PEAK1: variants seen among roughly 807,000 people sequenced by gnomAD.
PEAK1 encodes the protein pseudopodium enriched atypical kinase 1.
In PEAK1, 54 loss-of-function variants were observed where a neutral mutation model predicts 124.7. The observed-to-expected ratio is 0.43, with a 90% CI of 0.35 to 0.54. The LOEUF is 0.54. Among genes scored for constraint, PEAK1 ranks in the 20% least tolerant of loss-of-function variants. The pLI is 0.01. For missense variants in PEAK1, 2,046 were observed against 2,134.5 expected, an observed-to-expected ratio of 0.96 and a Z score of 0.82; for synonymous variants, 719 against 760.0, an observed-to-expected ratio of 0.95 and a Z score of 0.89.
intron 1 of PEAK1, among the ~76,000 whole-genome samples, chr15:77,408,552 AC>A: frequency 6.6e-6 from 1 of 150,612 alleles, no homozygotes; most frequent in Non-Finnish European, 1.5e-5. Context: ...AAAAAAAAAA[AC>A]AGTCTAGGAA....
At chr15:77,200,362 G>T (rs1285454744) in intron 6 of PEAK1, among the ~76,000 whole-genome samples, 3 of 152,126 alleles carry the variant, frequency 2.0e-5, no homozygotes, top group Non-Finnish European at 2.9e-5. Flanking sequence ...ACAGTGGTCA[G>T]GTTTTTGAGG....
At chr15:77,350,455 A>G in intron 2 of PEAK1, 1 of 985,392 alleles carries the variant, frequency 1.0e-6, no homozygotes, top group Non-Finnish European at 1.2e-6. Flanking sequence ...GAATTAAGAT[A>G]GTGTATATAT....
At chr15:77,105,783 C>T (rs566268106), downstream of PEAK1, 1 of 152,482 alleles carries the variant, frequency 6.6e-6, no homozygotes, top group African/African-American at 2.4e-5. Flanking sequence ...TCAAGATTCT[C>T]TGTGGCTTAG....
intron 6 of PEAK1, among the ~76,000 whole-genome samples, chr15:77,243,744 C>T (rs1266212909): frequency 2.6e-5 from 4 of 152,000 alleles, no homozygotes; most frequent in African/African-American, 9.7e-5. Context: ...CTGAGGTGGG[C>T]AGATCACCTG....
intron 1 of PEAK1, chr15:77,401,575 C>T: frequency 1.0e-6 from 1 of 980,004 alleles, no homozygotes; most frequent in Non-Finnish European, 1.2e-6. Context: ...AAAATTGTAG[C>T]TTATAGATCA....
Position 77,255,223 on chromosome 15 carries a change from A to G in PEAK1, c.-274-2697T>C, listed in dbSNP as rs531411067. 33 of 348,936 alleles carry G rather than the reference A, an allele frequency of 9.5e-5. No homozygotes were observed. The East Asian group carries it at 4.7e-3, about 49-fold the overall frequency. The allele number at this position is 348,936 out of a possible 1,614,324, so 21.6% of individuals were successfully genotyped here. A position where few individuals can be genotyped will look rare whatever the true frequency, so the allele number is the denominator to read the frequency against. On this transcript the variant is annotated intron_variant, in intron 5 of 9. Coordinates refer to ENST00000682557, the MANE Select transcript of PEAK1 (RefSeq NM_001385026.1). ...CATACCAGTACCATGCCCAAAATTT[A>G]AAAATTGGCCTGATTTTAAACCTAT...
At chr15:77,346,968 C>T (rs2066909405) in intron 2 of PEAK1, among the ~76,000 whole-genome samples, 1 of 152,094 alleles carries the variant, frequency 6.6e-6, no homozygotes, top group South Asian at 2.1e-4. Flanking sequence ...TGAGAAGCAC[C>T]AATTTACAGT....
intron 6 of PEAK1, among the ~76,000 whole-genome samples, chr15:77,190,954 T>C (rs1365994406): frequency 1.3e-5 from 2 of 152,238 alleles, no homozygotes; most frequent in African/African-American, 2.4e-5. Flanking sequence ...TGTACTTAAC[T>C]TTCAAATTTG....
intron 1 of PEAK1, among the ~76,000 whole-genome samples, chr15:77,410,235 G>C (rs559767711): frequency 2.0e-5 from 3 of 151,928 alleles, no homozygotes; most frequent in African/African-American, 2.4e-5. Flanking sequence ...AGCCTCCCAA[G>C]TGATTCTCCT....
intron 2 of PEAK1, chr15:77,349,923 G>A: frequency 1.0e-6 from 1 of 984,502 alleles, no homozygotes. Flanking sequence ...GTTTCTGAGT[G>A]TCACGAAGAA....
intron 1 of PEAK1, among the ~76,000 whole-genome samples, chr15:77,375,628 C>G (rs2141736756): frequency 6.6e-6 from 1 of 152,254 alleles, no homozygotes. Context: ...TCACTTTGAT[C>G]CAAATGATCA....
At chr15:77,296,955 C>G (rs1032492883) in intron 2 of PEAK1, among the ~76,000 whole-genome samples, 1 of 151,802 alleles carries the variant, frequency 6.6e-6, no homozygotes, top group Middle Eastern at 3.2e-3. Flanking sequence ...CAATCACTGT[C>G]ACATTATGAC....
chr15:77,364,468 A>T (rs981737464), intron 2 of PEAK1, among the ~76,000 whole-genome samples: 6 of 152,192 alleles, frequency 3.9e-5, no homozygotes, highest in Non-Finnish European at 8.8e-5. Flanking sequence ...ACAGGCTGAC[A>T]TTTTTTTAAA....
intron 7 of PEAK1, among the ~76,000 whole-genome samples, chr15:77,172,256 T>C (rs2056563254): frequency 1.3e-5 from 2 of 152,226 alleles, no homozygotes; most frequent in Admixed American, 1.3e-4. Context: ...TGGAAATTAT[T>C]GGTTTACTGA....
At chr15:77,252,666 A>T (rs35833143) in intron 5 of PEAK1, 140 bp from the exon 6 acceptor site, 44,195 of 476,468 alleles carry the variant, frequency 0.093, 2,380 homozygotes, top group Non-Finnish European at 0.1. Flanking sequence ...TATCTTTTCT[A>T]CTTAGGTGGA....
chr15:77,384,819 T>C (rs1306054503), intron 1 of PEAK1, among the ~76,000 whole-genome samples: 1 of 152,162 alleles, frequency 6.6e-6, no homozygotes, highest in African/African-American at 2.4e-5. Context: ...GTCACACCCA[T>C]TTGGTTACAA....
intron 7 of PEAK1, among the ~76,000 whole-genome samples, chr15:77,177,590 T>C (rs2056962337): frequency 6.6e-6 from 1 of 152,072 alleles, no homozygotes; most frequent in Non-Finnish European, 1.5e-5. Context: ...GAATTTGCTA[T>C]GTTTGTAAGA....
intron 6 of PEAK1, among the ~76,000 whole-genome samples, chr15:77,206,821 C>T (rs1251309978): frequency 1.3e-5 from 2 of 152,040 alleles, no homozygotes; most frequent in Non-Finnish European, 2.9e-5. Flanking sequence ...TGCAGAAGCT[C>T]TTTAGTTTAA....
rs916651451 is a variant in PEAK1 at position 77,201,386 on chromosome 15, C to T, written c.-114-19346G>A. Among the ~76,000 whole-genome samples the T allele has an allele frequency of 9.9e-5, 15 of 151,864 alleles. No individual in the cohort carries two copies. The East Asian group carries it at 1.6e-3, about 16-fold the overall frequency. ...CCGAGTACCTGGGACTACAGGCACC[C>T]GCCACCACACCTGGCTATTTTTTTT... is the stretch of plus-strand genomic sequence containing the variant. On this transcript the variant is annotated intron_variant, in intron 6 of 9. Coordinates refer to ENST00000682557, the MANE Select transcript of PEAK1 (RefSeq NM_001385026.1).
Sources: gnomAD v4.1 joint callset for allele counts (sites outside exome capture counted in the v4.1 genomes callset) on GRCh38, gnomAD v4.1.1 for gene constraint, MANE v1.5 for transcripts, NCBI Gene and HGNC (gene_info 2026-07-23, HGNC 2026-07-21) for gene names.